CNTN5: variants seen among roughly 807,000 people sequenced by gnomAD.
CNTN5 encodes contactin 5.
A neutral mutation model predicts 129.1 loss-of-function variants in CNTN5; 77 were observed. That is an observed-to-expected ratio of 0.60 (90% confidence interval 0.50 to 0.72). CNTN5 has a LOEUF of 0.72. CNTN5 is among the 30% of genes least tolerant of loss of function. The pLI, the probability that CNTN5 is intolerant of heterozygous loss-of-function variation, is 0.00. For synonymous variants in CNTN5, 509 were observed against 465.6 expected, an observed-to-expected ratio of 1.09 and a Z score of -1.20; for missense variants, 1,478 against 1,328.8, an observed-to-expected ratio of 1.11 and a Z score of -1.75.
chr11:100,024,840 G>C (rs768745356), intron 9 of CNTN5, among the ~76,000 whole-genome samples: 2 of 152,132 alleles, frequency 1.3e-5, no homozygotes, highest in African/African-American at 4.8e-5. Flanking sequence ...AAAACATTCA[G>C]TTTTATGCCT....
chr11:99,218,170 T>G lies in CNTN5; in HGVS notation c.-209-107176T>G, dbSNP rs1860224597. Among the ~76,000 whole-genome samples the G allele has an allele frequency of 5.3e-5, 8 of 152,268 alleles. No individual in the cohort carries two copies. In the South Asian group the frequency reaches 1.7e-3, roughly 32 times the overall value. On this transcript the variant is annotated intron_variant, in intron 1 of 24. Coordinates refer to ENST00000524871, the MANE Select transcript of CNTN5 (RefSeq NM_014361.4). ...CATGTCACCTCGTGTATGAAGGTTA[T>G]TTTCGTAGTTCTATTTATAATACTA...
intron 16 of CNTN5, among the ~76,000 whole-genome samples, chr11:100,254,163 G>A (rs1950023218): frequency 6.6e-6 from 1 of 152,072 alleles, no homozygotes; most frequent in Non-Finnish European, 1.5e-5. Flanking sequence ...ACTTCAAAAT[G>A]ATACCGTCTA....
chr11:99,093,240 G>C (rs901603151), intron 1 of CNTN5, among the ~76,000 whole-genome samples: 46 of 152,054 alleles, frequency 3.0e-4, no homozygotes, highest in Admixed American at 2.5e-3. Context: ...CATAGTTATT[G>C]TTTAATTTAG....
chr11:100,105,924 A>G (rs1003693302), intron 13 of CNTN5, among the ~76,000 whole-genome samples: 1 of 152,142 alleles, frequency 6.6e-6, no homozygotes, highest in African/African-American at 2.4e-5. Context: ...CTCTCATAAC[A>G]TTGGCCCCAT....
chr11:99,333,849 C>T (rs554506581), intron 2 of CNTN5, among the ~76,000 whole-genome samples: 6 of 151,982 alleles, frequency 3.9e-5, no homozygotes, highest in South Asian at 2.1e-4. Flanking sequence ...TTAATGATAA[C>T]GGATTGTCAT....
intron 2 of CNTN5, among the ~76,000 whole-genome samples, chr11:99,349,872 C>G (rs11219510): frequency 0.18 from 26,616 of 152,080 alleles, 2,384 homozygotes; most frequent in East Asian, 0.28. Flanking sequence ...TACCACTGAT[C>G]TCTCTGATTT....
At chr11:100,290,821 A>G (rs1950942988) in intron 18 of CNTN5, among the ~76,000 whole-genome samples, 1 of 150,306 alleles carries the variant, frequency 6.7e-6, no homozygotes, top group African/African-American at 2.4e-5. Flanking sequence ...TGAACAAGCA[A>G]CCTACAAAAT....
chr11:99,447,603 A>T (rs1944122273), intron 2 of CNTN5, among the ~76,000 whole-genome samples: 1 of 152,204 alleles, frequency 6.6e-6, no homozygotes, highest in South Asian at 2.1e-4. Flanking sequence ...TACATATTAA[A>T]GTAATCAATA....
intron 3 of CNTN5, among the ~76,000 whole-genome samples, chr11:99,592,236 G>A (rs1950000779): frequency 6.6e-6 from 1 of 152,194 alleles, no homozygotes; most frequent in Non-Finnish European, 1.5e-5. Flanking sequence ...GGCTTTAAAA[G>A]CCATGGAACA....
chr11:100,087,686 A>G (rs1000041211), intron 13 of CNTN5, among the ~76,000 whole-genome samples: 1 of 151,940 alleles, frequency 6.6e-6, no homozygotes, highest in African/African-American at 2.4e-5. Flanking sequence ...TAGTGGGGGA[A>G]CTCAACATCC....
At chr11:99,420,482 T>A (rs1347748540) in intron 2 of CNTN5, among the ~76,000 whole-genome samples, 3 of 152,136 alleles carry the variant, frequency 2.0e-5, no homozygotes, top group African/African-American at 4.8e-5. Flanking sequence ...ACTCAAAAAA[T>A]TTTTTAAAAA....
intron 1 of CNTN5, among the ~76,000 whole-genome samples, chr11:99,213,015 C>A (rs1332869322): frequency 1.3e-5 from 2 of 151,558 alleles, no homozygotes; most frequent in African/African-American, 4.8e-5. Flanking sequence ...CATGGTGAAA[C>A]CCCATCTCTA....
intron 13 of CNTN5, among the ~76,000 whole-genome samples, chr11:100,126,273 G>A (rs574599534): frequency 5.3e-4 from 81 of 152,188 alleles, no homozygotes; most frequent in Middle Eastern, 3.4e-3. Flanking sequence ...TTGTGATGTT[G>A]ATAGATGGAG....
intron 21 of CNTN5, among the ~76,000 whole-genome samples, chr11:100,323,807 T>G (rs1591514584): frequency 6.6e-6 from 1 of 152,148 alleles, no homozygotes; most frequent in South Asian, 2.1e-4. Flanking sequence ...GGTTTAAAAT[T>G]TATTGCTCTA....
chr11:99,942,782 G>T (rs1156239296), intron 7 of CNTN5, among the ~76,000 whole-genome samples: 1 of 152,006 alleles, frequency 6.6e-6, no homozygotes, highest in Non-Finnish European at 1.5e-5. Flanking sequence ...GTGGTTTTTG[G>T]TTTTCTGTTC....
At chr11:99,423,113 C>A (rs1171414941) in intron 2 of CNTN5, among the ~76,000 whole-genome samples, 2 of 152,124 alleles carry the variant, frequency 1.3e-5, no homozygotes, top group Admixed American at 6.5e-5. Flanking sequence ...AGATACATAT[C>A]ATTACATATG....
At chr11:99,187,810 T>G (rs1252723562) in intron 1 of CNTN5, among the ~76,000 whole-genome samples, 2 of 151,816 alleles carry the variant, frequency 1.3e-5, no homozygotes, top group Non-Finnish European at 2.9e-5. Context: ...TTACCTTAAT[T>G]TTATTTATAA....
intron 13 of CNTN5, among the ~76,000 whole-genome samples, chr11:100,126,193 T>C (rs568854295): frequency 6.6e-6 from 1 of 152,212 alleles, no homozygotes; most frequent in East Asian, 1.9e-4. Context: ...GAGTTTTTTT[T>C]AATTTATCGA....
At chr11:99,693,393 TATG>T (rs1447963111) in intron 3 of CNTN5, among the ~76,000 whole-genome samples, 1 of 152,058 alleles carries the variant, frequency 6.6e-6, no homozygotes, top group South Asian at 2.1e-4. Context: ...AATGTGAAAT[TATG>T]ATACATAGTA....
Sources: gnomAD v4.1 joint callset for allele counts (sites outside exome capture counted in the v4.1 genomes callset) on GRCh38, gnomAD v4.1.1 for gene constraint, MANE v1.5 for transcripts, NCBI Gene and HGNC (gene_info 2026-07-23, HGNC 2026-07-21) for gene names.